Variants in TTC6 observed in about 807,000 individuals in gnomAD.
TTC6 encodes tetratricopeptide repeat protein 6.
TTC6 carries 172 observed loss-of-function variants against 210.4 expected under a neutral mutation model. The ratio of observed to expected loss-of-function variants is 0.82; its 90% CI spans 0.72 to 0.93. The LOEUF is 0.93. TTC6 is among the 40% of genes least tolerant of loss of function. The pLI, the probability that TTC6 is intolerant of heterozygous loss-of-function variation, is 0.00. For synonymous variants in TTC6, 804 were observed against 819.6 expected (o/e 0.98, Z 0.32); for missense variants, 2,414 against 2,318.1 (o/e 1.04, Z -0.85).
At chr14:37,673,979 C>G (rs2095763634) in intron 1 of TTC6, among the ~76,000 whole-genome samples, 1 of 152,128 alleles carries the variant, frequency 6.6e-6, no homozygotes, top group African/African-American at 2.4e-5. Context: ...CTACTAGTTA[C>G]AGTTTATAAC....
intron 25 of TTC6, among the ~76,000 whole-genome samples, chr14:37,813,269 C>A (rs2096133837): frequency 6.6e-6 from 1 of 151,974 alleles, no homozygotes; most frequent in African/African-American, 2.4e-5. Flanking sequence ...AATGTAATCC[C>A]AATGTTTGAA....
In TTC6 at chr14:37,714,819, G is replaced by GT; in HGVS notation, c.1713+30dup. 3.9e-6 allele frequency: 6 copies of GT among 1,527,962 alleles called. 1 individual carries two copies. The highest frequency in any genetic ancestry group is 2.4e-5 in the South Asian group (2 of 82,976). The allele number at this position is 1,527,962 out of a possible 1,614,324, so 94.7% of individuals were successfully genotyped here. On this transcript the variant is annotated intron_variant, in intron 6 of 30. Transcript: ENST00000553443. ...GAAGTAAGAACTTTCTTTAATATTA[G>GT]TTTTTTTGTACCTCACAGGTCCTCA...
At chr14:37,824,324 C>A (rs1383674357) in intron 27 of TTC6, among the ~76,000 whole-genome samples, 2 of 152,144 alleles carry the variant, frequency 1.3e-5, no homozygotes, top group African/African-American at 2.4e-5. Flanking sequence ...TATACCTAGG[C>A]CCCACAGGTT....
intron 1 of TTC6, among the ~76,000 whole-genome samples, chr14:37,597,005 A>ATTTT (rs34214926): frequency 1.5e-3 from 203 of 138,544 alleles, no homozygotes; most frequent in African/African-American, 5.3e-3. Flanking sequence ...ATTGGATTAC[A>ATTTT]TTTTTTTTTT....
chr14:37,622,310 T>C, exon 1 of TTC6: 1 of 1,533,946 alleles, frequency 6.5e-7, no homozygotes, highest in Non-Finnish European at 8.7e-7. Context: ...TTAAAGGCCC[T>C]GCGATGTCCG....
intron 29 of TTC6, among the ~76,000 whole-genome samples, chr14:37,830,175 TTTC>T (rs1447125717): frequency 6.6e-6 from 1 of 152,108 alleles, no homozygotes; most frequent in Non-Finnish European, 1.5e-5. Context: ...TAAGTGCTGC[TTTC>T]TTTTCTGGTG....
chr14:37,601,203 G>A (rs1387555281), intron 1 of TTC6, among the ~76,000 whole-genome samples: 1 of 152,290 alleles, frequency 6.6e-6, no homozygotes, highest in East Asian at 1.9e-4. Flanking sequence ...AAACAACTGA[G>A]CCCTGCCCTC....
chr14:37,732,711 T>G (rs368894778), intron 7 of TTC6, among the ~76,000 whole-genome samples: 2 of 151,642 alleles, frequency 1.3e-5, no homozygotes, highest in Admixed American at 6.6e-5. Flanking sequence ...CTCCGCCTCC[T>G]GGGTTCACGC....
At chr14:37,783,030 C>T (rs1345574278) in intron 14 of TTC6, among the ~76,000 whole-genome samples, 3 of 152,108 alleles carry the variant, frequency 2.0e-5, no homozygotes, top group African/African-American at 7.2e-5. Context: ...TTCGGTTTGC[C>T]AGTATTTTAT....
intron 3 of TTC6, among the ~76,000 whole-genome samples, chr14:37,695,528 A>G (rs1170482072): frequency 1.3e-5 from 2 of 151,986 alleles, no homozygotes; most frequent in Admixed American, 6.6e-5. Flanking sequence ...CTAATTTTGT[A>G]GTTTTAGTAG....
At chr14:37,596,390 T>C (rs568236417) in intron 1 of TTC6, among the ~76,000 whole-genome samples, 1 of 152,406 alleles carries the variant, frequency 6.6e-6, no homozygotes, top group African/African-American at 2.4e-5. Context: ...CGCTTGGTCC[T>C]GTCTGTGACC....
rs573113929 is a variant in TTC6 at position 37,711,837 on chromosome 14, A to G, written c.1572-2818A>G. ...TCACAGGACTCAGTTGAGAGAAGAT[A>G]CAGTGAACAGGAGAGACATCATGGA... On this transcript the variant is annotated intron_variant, in intron 5 of 30. Transcript: ENST00000553443. Among the ~76,000 whole-genome samples, 16 of 152,236 alleles carry G rather than the reference A, an allele frequency of 1.1e-4. No individual in the cohort carries two copies. The South Asian group carries it at 2.9e-3, about 28-fold the overall frequency.
intron 1 of TTC6, among the ~76,000 whole-genome samples, chr14:37,671,569 A>G (rs550627563): frequency 1.3e-5 from 2 of 152,338 alleles, no homozygotes; most frequent in African/African-American, 4.8e-5. Context: ...ACGGTTTTAC[A>G]ATAGAAAACA....
At chr14:37,800,913 G>T (rs1255989804) in intron 20 of TTC6, among the ~76,000 whole-genome samples, 1 of 152,112 alleles carries the variant, frequency 6.6e-6, no homozygotes, top group Non-Finnish European at 1.5e-5. Flanking sequence ...AAACAACTCA[G>T]CTGCAAACAC....
At chr14:37,842,246 C>G (rs370545858) in exon 31 of TTC6, 8 of 1,608,318 alleles carry the variant, frequency 5.0e-6, no homozygotes, top group South Asian at 4.4e-5. Flanking sequence ...CTATGGCTGA[C>G]TATAACCAAG....
chr14:37,614,950 T>C (rs2095640343), intron 2 of TTC6, among the ~76,000 whole-genome samples: 1 of 152,134 alleles, frequency 6.6e-6, no homozygotes, highest in Admixed American at 6.5e-5. Flanking sequence ...TTTCACCATG[T>C]TGGCTGGGCT....
chr14:37,801,507 T>G (rs997729455), intron 20 of TTC6, among the ~76,000 whole-genome samples: 1 of 152,172 alleles, frequency 6.6e-6, no homozygotes, highest in African/African-American at 2.4e-5. Context: ...TTCCAACCAA[T>G]AGAATATGGC....
chr14:37,771,683 G>T (rs1241263501), intron 14 of TTC6, among the ~76,000 whole-genome samples: 3 of 151,992 alleles, frequency 2.0e-5, no homozygotes. Flanking sequence ...CTCTGTATTG[G>T]TTATTCTAGT....
chr14:37,631,257 C>T (rs1595036517), intron 1 of TTC6, among the ~76,000 whole-genome samples: 1 of 151,972 alleles, frequency 6.6e-6, no homozygotes, highest in Admixed American at 6.6e-5. Context: ...ACTGGCTTTT[C>T]CTTTCCATAC....
Sources: allele counts gnomAD v4.1 joint callset (sites outside exome capture counted in the v4.1 genomes callset), GRCh38; gene constraint gnomAD v4.1.1; transcripts MANE v1.5; gene names NCBI Gene and HGNC (gene_info 2026-07-23, HGNC 2026-07-21).